The following L2HGDH variants were observed in gnomAD, a reference collection of about 807,000 sequenced individuals.
L2HGDH encodes L-2-hydroxyglutarate dehydrogenase, mitochondrial.
L2HGDH carries 34 observed loss-of-function variants against 51.5 expected under a neutral mutation model. That is an observed-to-expected ratio of 0.66 (90% CI 0.50 to 0.88). L2HGDH has a LOEUF of 0.88. L2HGDH is among the 40% of genes least tolerant of loss of function. The pLI is 0.00. For missense variants in L2HGDH, 558 were observed against 571.9 expected (o/e 0.98, Z 0.25); for synonymous variants, 198 against 197.9 (o/e 1.00, Z -0.01).
intron 4 of L2HGDH, 122 bp downstream of exon 4, chr14:50,293,993 T>C: frequency 8.4e-7 from 1 of 1,184,750 alleles, no homozygotes; most frequent in Non-Finnish European, 1.2e-6. Flanking sequence ...GTCACTTCAC[T>C]ACTTCTGTGA....
Position 50,247,226 on chromosome 14 carries a change from G to A in L2HGDH, c.1224C>T (p.Ala408=). ...CTACCAGATTTCCATCTCTATCCAG[G>A]GCCTGGGCTCTTACTCCAGCTGGGC... ...LRGPAGVRAQ[A]LDRDGNLVED... The change falls in exon 10 of 10, where the codon GCC becomes GCT. Residue 408 remains alanine, a synonymous_variant. Transcript: ENST00000267436. 1 of 1,613,856 alleles carries A rather than the reference G, an allele frequency of 6.2e-7. No individual in the cohort carries two copies. Among genetic ancestry groups the A allele is most frequent in the Non-Finnish European group, 8.5e-7 (1 of 1,179,940 alleles).
chr14:50,267,713 A>G, intron 8 of L2HGDH, 40 bp downstream of exon 8: 2 of 1,487,514 alleles, frequency 1.3e-6, no homozygotes, highest in Non-Finnish European at 9.3e-7. Flanking sequence ...CATTGAAAAT[A>G]TAAGCACATA....
chr14:50,288,840 C>T (rs1890709012), intron 4 of L2HGDH, among the ~76,000 whole-genome samples: 1 of 152,218 alleles, frequency 6.6e-6, no homozygotes, highest in Non-Finnish European at 1.5e-5. Flanking sequence ...CTCCTCTGGT[C>T]AGCTCATCAG....
chr14:50,299,271 C>A lies in L2HGDH; in HGVS notation c.408+2746G>T, dbSNP rs189264059. On this transcript the variant is annotated intron_variant, in intron 3 of 9. Transcript: ENST00000267436. Reference sequence around the variant, plus strand: ...CACATACAACCTACCAAGATTGAACCATGAAGAAATCCAAAACCTGAACAA... The same window carrying A: ...CACATACAACCTACCAAGATTGAACAATGAAGAAATCCAAAACCTGAACAA... Among the ~76,000 whole-genome samples the A allele has an allele frequency of 2.5e-4, 38 of 152,116 alleles. 2 individuals carry two copies. The highest frequency in any genetic ancestry group is 9.2e-4 in the African/African-American group (38 of 41,506).
chr14:50,302,950 G>A lies in L2HGDH; in HGVS notation c.208C>T (p.Arg70Ter), dbSNP rs937345512. Residue 70 changes from arginine to a stop codon, truncating the protein, a stop_gained, in exon 2 of 10, where the codon CGA (arginine) becomes TGA (stop). Coordinates refer to ENST00000267436, the MANE Select transcript of L2HGDH (RefSeq NM_024884.3). LOFTEE classifies it high-confidence loss of function. ...ACACCAATAGAAAGTGATGGATGTC[G>A]CAGGATGAGTGCTCTGGCAGAGGCA... is the stretch of plus-strand genomic sequence containing the variant. ...GLASARALIL[R>*]HPSLSIGVLE... The A allele has an allele frequency of 1.6e-5, 26 of 1,613,606 alleles. No homozygotes were observed. The highest frequency in any genetic ancestry group is 8.3e-5 in the Admixed American group (5 of 59,982).
chr14:50,285,224 G>A (rs570270673), intron 4 of L2HGDH, among the ~76,000 whole-genome samples: 4 of 152,324 alleles, frequency 2.6e-5, no homozygotes, highest in Admixed American at 6.5e-5. Flanking sequence ...TCCAGCCTGG[G>A]CAACAGAGTG....
At position 50,244,865 on chromosome 14, in the gene L2HGDH, T is replaced by C. The variant is rs1419587539; in HGVS notation, c.*2193A>G. ...CTAAGAGGAAAGAAGACATACACAG[T>C]AGAAGATGAATCCTGAGAGAGCAAA... is the stretch of plus-strand genomic sequence containing the variant. On this transcript the variant is annotated 3_prime_UTR_variant, in exon 10 of 10. Transcript: ENST00000267436. 3.0e-6 allele frequency: 3 copies of C among 985,304 alleles called. No individual in the cohort carries two copies. The highest frequency in any genetic ancestry group is 4.7e-5 in the South Asian group (1 of 21,280). The allele number at this position is 985,304 out of a possible 1,614,324, so 61.0% of individuals were successfully genotyped here. A position where few individuals can be genotyped will look rare whatever the true frequency, so the allele number is the denominator to read the frequency against.
chr14:50,271,279 T>C (rs1889672455), intron 6 of L2HGDH, among the ~76,000 whole-genome samples: 2 of 152,228 alleles, frequency 1.3e-5, no homozygotes, highest in South Asian at 4.1e-4. Context: ...AGTTCTTTCG[T>C]TCTTGGAACA....
intron 3 of L2HGDH, among the ~76,000 whole-genome samples, chr14:50,301,506 G>C (rs889899276): frequency 1.3e-5 from 2 of 152,202 alleles, no homozygotes; most frequent in African/African-American, 4.8e-5. Flanking sequence ...ATGAAGTACT[G>C]ATTCATGCTA....
chr14:50,268,019 G>T (rs1045803386), intron 7 of L2HGDH, 109 bp from the exon 8 acceptor site: 3 of 1,063,796 alleles, frequency 2.8e-6, no homozygotes, highest in Non-Finnish European at 4.4e-6. Flanking sequence ...CATTTAATTT[G>T]TATTGTGAGC....
intron 6 of L2HGDH, among the ~76,000 whole-genome samples, chr14:50,272,973 A>T (rs187224526): frequency 1.3e-5 from 2 of 152,292 alleles, no homozygotes; most frequent in Non-Finnish European, 2.9e-5. Flanking sequence ...CCCACTCATG[A>T]GTGGCCCTGA....
chr14:50,286,177 C>G (rs1055069039), intron 4 of L2HGDH, among the ~76,000 whole-genome samples: 9 of 151,038 alleles, frequency 6.0e-5, no homozygotes, highest in Non-Finnish European at 1.3e-4. Flanking sequence ...GATCTCAAGT[C>G]AGGATACAGA....
chr14:50,283,565 C>A (rs1290391232), intron 5 of L2HGDH, among the ~76,000 whole-genome samples: 1 of 152,110 alleles, frequency 6.6e-6, no homozygotes, highest in Non-Finnish European at 1.5e-5. Context: ...AGGAACCCCA[C>A]AAATACCAAA....
chr14:50,292,036 A>C (rs1890911899), intron 4 of L2HGDH, among the ~76,000 whole-genome samples: 1 of 152,238 alleles, frequency 6.6e-6, no homozygotes, highest in Non-Finnish European at 1.5e-5. Flanking sequence ...AGTGAATTTT[A>C]AATAACAATA....
At chr14:50,290,313 TGAG>T (rs1299272386) in intron 4 of L2HGDH, among the ~76,000 whole-genome samples, 1 of 152,108 alleles carries the variant, frequency 6.6e-6, no homozygotes, top group Admixed American at 6.5e-5. Context: ...CCCTTAAGAC[TGAG>T]AATTATTGGA....
Position 50,245,218 on chromosome 14 carries a change from A to G in L2HGDH, c.*1840T>C, listed in dbSNP as rs1887943338. ...ATCAAGTACGTATGAATCATTACCAATCTTGGCCAACATTTTGAGAGCCTT... is the reference window on the plus strand; with the variant it reads ...ATCAAGTACGTATGAATCATTACCAGTCTTGGCCAACATTTTGAGAGCCTT... On this transcript the variant is annotated 3_prime_UTR_variant, in exon 10 of 10. Coordinates refer to ENST00000267436, the MANE Select transcript of L2HGDH (RefSeq NM_024884.3). The G allele has an allele frequency of 4.1e-6, 4 of 985,322 alleles. No homozygotes were observed. In the East Asian group the frequency reaches 3.4e-4, roughly 84 times the overall value. The allele number at this position is 985,322 out of a possible 1,614,324, so 61.0% of individuals were successfully genotyped here. A position where few individuals can be genotyped will look rare whatever the true frequency, so the allele number is the denominator to read the frequency against.
chr14:50,264,878 GTTTTT>G (rs1040810138), intron 9 of L2HGDH, among the ~76,000 whole-genome samples: 28 of 151,782 alleles, frequency 1.8e-4, no homozygotes, highest in Non-Finnish European at 1.2e-4. Flanking sequence ...AACCTAAAAG[GTTTTT>G]TTTAAGTTTT....
chr14:50,252,000 ACT>A lies in L2HGDH; in HGVS notation c.1197-4749_1197-4748del, dbSNP rs1888382182. Reference sequence around the variant, plus strand: ...ATAACACTATAATTGTGGTGTATAAACTTCTCATCTTACATAGAAAGATTAAA... The same window carrying A: ...ATAACACTATAATTGTGGTGTATAAATCTCATCTTACATAGAAAGATTAAA... On this transcript the variant is annotated intron_variant, in intron 9 of 9. Transcript: ENST00000267436. Among the ~76,000 whole-genome samples the A allele has an allele frequency of 4.6e-5, 7 of 152,156 alleles. 1 individual carries two copies. The South Asian group carries it at 1.5e-3, about 32-fold the overall frequency.
intron 1 of L2HGDH, among the ~76,000 whole-genome samples, chr14:50,304,471 G>A (rs558969289): frequency 6.6e-6 from 1 of 152,298 alleles, no homozygotes; most frequent in Non-Finnish European, 1.5e-5. Flanking sequence ...AAACCTTGGG[G>A]CAATAATTGG....
Sources: allele counts gnomAD v4.1 joint callset (sites outside exome capture counted in the v4.1 genomes callset), GRCh38; gene constraint gnomAD v4.1.1; transcripts MANE v1.5; gene names NCBI Gene and HGNC (gene_info 2026-07-23, HGNC 2026-07-21).